The following MICAL3 variants were observed in gnomAD, a reference collection of about 807,000 sequenced individuals.
MICAL3 encodes [F-actin]-monooxygenase MICAL3.
MICAL3 carries 62 observed loss-of-function variants against 207.4 expected under a neutral mutation model. The observed-to-expected ratio is 0.30, with a 90% CI of 0.24 to 0.37. The LOEUF (loss-of-function observed/expected upper bound fraction) is 0.37, where lower values mean the gene tolerates loss of function less well. Ranked by LOEUF, MICAL3 falls within the 10% of genes least tolerant of loss-of-function variation. The probability of loss-of-function intolerance (pLI) is 1.00; values close to 1 mark genes in which losing one functional copy is unlikely to be tolerated. For missense variants in MICAL3, 2,368 were observed against 2,635.6 expected (o/e 0.90, Z 2.22); for synonymous variants, 1,077 against 1,069.3 (o/e 1.01, Z -0.14).
intron 1 of MICAL3, among the ~76,000 whole-genome samples, chr22:17,915,696 C>T (rs1932451404): frequency 6.6e-6 from 1 of 152,102 alleles, no homozygotes; most frequent in South Asian, 2.1e-4. Context: ...TCATCTAGGC[C>T]CACCAGCCAC....
intron 1 of MICAL3, among the ~76,000 whole-genome samples, chr22:17,978,063 AAT>A (rs1491417938): frequency 6.5e-5 from 9 of 139,306 alleles, no homozygotes; most frequent in African/African-American, 1.4e-4. Context: ...AAAATAAAAA[AAT>A]ATACACCTAC....
chr22:17,995,057 C>CT (rs1491124540), intron 1 of MICAL3, among the ~76,000 whole-genome samples: 4 of 152,206 alleles, frequency 2.6e-5, no homozygotes, highest in African/African-American at 9.6e-5. Flanking sequence ...GAAAAAGATA[C>CT]TGTTGTCCTT....
At chr22:17,863,243 A>G in intron 19 of MICAL3, 1 of 985,416 alleles carries the variant, frequency 1.0e-6, no homozygotes, top group Non-Finnish European at 1.2e-6. Context: ...CTTTTTAAAA[A>G]ATGTTCTGTA....
At chr22:17,866,058 G>A (rs1271085591) in intron 17 of MICAL3, 46 bp from the exon 18 acceptor site, 2 of 1,402,754 alleles carry the variant, frequency 1.4e-6, no homozygotes, top group Admixed American at 1.7e-5. Context: ...GCCAGGCACG[G>A]ATCCTGAACG....
chr22:17,806,516 A>G (rs536171543), intron 29 of MICAL3, among the ~76,000 whole-genome samples: 1 of 152,256 alleles, frequency 6.6e-6, no homozygotes, highest in African/African-American at 2.4e-5. Context: ...TTTAAACTGC[A>G]GAAATCCTGA....
chr22:17,996,673 T>A (rs1453803003), intron 1 of MICAL3, among the ~76,000 whole-genome samples: 1 of 152,084 alleles, frequency 6.6e-6, no homozygotes, highest in East Asian at 1.9e-4. Flanking sequence ...GGATCCGAGC[T>A]GAATTCTAAA....
intron 20 of MICAL3, among the ~76,000 whole-genome samples, chr22:17,835,512 G>A (rs952964695): frequency 1.3e-5 from 2 of 151,212 alleles, no homozygotes; most frequent in African/African-American, 4.9e-5. Flanking sequence ...TCAGTACCTC[G>A]AGGCTCCCAG....
At chr22:17,976,531 A>ATGTG (rs1239655452) in intron 1 of MICAL3, among the ~76,000 whole-genome samples, 63 of 114,632 alleles carry the variant, frequency 5.5e-4, no homozygotes, top group African/African-American at 2.3e-3. Context: ...ATATGTGTAT[A>ATGTG]TATATGTGTG....
In MICAL3 at chr22:17,816,705, C is replaced by G; in HGVS notation, c.5430G>C (p.Gln1810His). 2 of 1,553,104 alleles carry G rather than the reference C, an allele frequency of 1.3e-6. No homozygotes were observed. Among genetic ancestry groups the G allele is most frequent in the Non-Finnish European group, 1.7e-6 (2 of 1,147,968 alleles). ...GACTACCCACCTCTCGCCGGGACTT[C>G]TGTGAGGACTTCTCAAGGACATCGT... ...SSDDVLEKSS[Q>H]KSRREPRTYT... is the part of the protein sequence containing the mutation. The change falls in exon 27 of 32, where the codon CAG (glutamine) becomes CAC (histidine). Residue 1810 changes from glutamine to histidine, a missense_variant. Transcript: ENST00000441493.
At position 17,818,547 on chromosome 22, in the gene MICAL3, G is replaced by T. The variant is rs2146009093; in HGVS notation, c.4114C>A (p.Pro1372Thr). The part of the protein sequence containing the change: ...SLKSYSVEKS[P>T]QDEGLHLLKP... The stretch of plus-strand genomic sequence containing the variant: ...AGAAGGTGGAGTCCCTCATCCTGGG[G>T]GGACTTTTCAACGGAATAGGATTTG... Residue 1372 changes from proline to threonine, a missense_variant, in exon 26 of 32, where the codon CCC becomes ACC. By Grantham distance (38) the Pro-to-Thr change is conservative (BLOSUM62 -1). Around this residue, in one of 4 missense-constraint regions of MICAL3, gnomAD observed 1,770 missense variants for 1,863.2 expected, o/e 0.95. Transcript: ENST00000441493. 6.2e-7 allele frequency: 1 copy of T among 1,613,596 alleles called. No individual in the cohort carries two copies. Among genetic ancestry groups the T allele is most frequent in the Middle Eastern group, 1.6e-4 (1 of 6,062 alleles).
chr22:17,920,879 T>C (rs1569133520), intron 1 of MICAL3, among the ~76,000 whole-genome samples: 1 of 152,188 alleles, frequency 6.6e-6, no homozygotes, highest in South Asian at 2.1e-4. Context: ...GCCCCGAGAT[T>C]CCCAGTGTGA....
intron 1 of MICAL3, among the ~76,000 whole-genome samples, chr22:17,916,063 A>AC (rs1294980660): frequency 6.7e-6 from 1 of 149,676 alleles, no homozygotes; most frequent in African/African-American, 2.5e-5. Context: ...CTCAAAAAAA[A>AC]AAAAAAAAAA....
intron 1 of MICAL3, among the ~76,000 whole-genome samples, chr22:17,939,639 T>C (rs559699293): frequency 3.9e-4 from 59 of 152,336 alleles, no homozygotes; most frequent in African/African-American, 1.4e-3. Context: ...GCAATTCTGT[T>C]AAGATGGCAT....
chr22:17,807,023 C>T (rs1278762962), intron 29 of MICAL3, among the ~76,000 whole-genome samples: 2 of 152,256 alleles, frequency 1.3e-5, no homozygotes, highest in African/African-American at 4.8e-5. Context: ...ATGGCACCAC[C>T]ACCTCAACCT....
At chr22:17,998,599 A>T (rs914516835) in intron 1 of MICAL3, among the ~76,000 whole-genome samples, 1 of 150,464 alleles carries the variant, frequency 6.6e-6, no homozygotes, top group African/African-American at 2.4e-5. Flanking sequence ...TCTGTATCCC[A>T]GGCTGGAGAG....
chr22:17,864,120 A>T, intron 19 of MICAL3: 8 of 986,956 alleles, frequency 8.1e-6, no homozygotes, highest in Non-Finnish European at 9.6e-6. Context: ...ATTTTAAGGA[A>T]AATCTACATA....
chr22:17,956,226 A>G (rs1392977405), intron 1 of MICAL3, among the ~76,000 whole-genome samples: 1 of 152,230 alleles, frequency 6.6e-6, no homozygotes, highest in Non-Finnish European at 1.5e-5. Flanking sequence ...CACAGTGCTA[A>G]GCCATGGGGC....
chr22:17,944,230 G>C (rs1933947070), intron 1 of MICAL3, among the ~76,000 whole-genome samples: 1 of 152,208 alleles, frequency 6.6e-6, no homozygotes, highest in African/African-American at 2.4e-5. Flanking sequence ...GTGTTTACTT[G>C]TGCGTCATAG....
At chr22:17,959,176 C>T (rs572473860) in intron 1 of MICAL3, among the ~76,000 whole-genome samples, 6 of 151,560 alleles carry the variant, frequency 4.0e-5, no homozygotes, top group South Asian at 2.1e-4. Flanking sequence ...CCACCACGCC[C>T]GGCTAATTTT....
Sources: gnomAD v4.1 joint callset for allele counts (sites outside exome capture counted in the v4.1 genomes callset) on GRCh38, gnomAD v4.1.1 for gene constraint, gnomAD v4.1.1 regional missense constraint, MANE v1.5 for transcripts, NCBI Gene and HGNC (gene_info 2026-07-23, HGNC 2026-07-21) for gene names.